PCLO: variants seen among roughly 807,000 people sequenced by gnomAD.
PCLO encodes protein piccolo.
Under a neutral mutation model 427.5 loss-of-function variants are expected in PCLO, and 82 were observed. The observed-to-expected ratio is 0.19, with a 90% CI of 0.16 to 0.23. The LOEUF (loss-of-function observed/expected upper bound fraction) is 0.23. Ranked by LOEUF, PCLO falls within the 10% of genes least tolerant of loss-of-function variation. The probability of loss-of-function intolerance (pLI) is 1.00; values close to 1 mark genes in which losing one functional copy is unlikely to be tolerated. For synonymous variants in PCLO, 2,357 were observed against 2,155.4 expected (o/e 1.09, Z -2.59); for missense variants, 6,239 against 6,115.9 (o/e 1.02, Z -0.67).
intron 4 of PCLO, among the ~76,000 whole-genome samples, chr7:82,960,321 G>A (rs887774386): frequency 7.2e-5 from 11 of 152,196 alleles, no homozygotes; most frequent in South Asian, 2.1e-4. Context: ...GTGAAAGATC[G>A]GATGCTCTCA....
rs2116516367 is a variant in PCLO, at chr7:83,109,178, G to C, written c.3300+25072C>G. ...ACATCTATATCCAAACCTTAATCCT[G>C]TTCCTTGCCAGACTGACTAGAAAAA... On this transcript the variant is annotated intron_variant, in intron 3 of 24. Coordinates refer to ENST00000333891, the MANE Select transcript of PCLO (RefSeq NM_033026.6). Among the ~76,000 whole-genome samples, 3 of 152,190 alleles carry C rather than the reference G, an allele frequency of 2.0e-5. 1 individual carries two copies. In the South Asian group the frequency reaches 6.2e-4, roughly 32 times the overall value.
chr7:82,893,824 T>C (rs1793836422), intron 9 of PCLO, among the ~76,000 whole-genome samples: 1 of 151,992 alleles, frequency 6.6e-6, no homozygotes, highest in African/African-American at 2.4e-5. Flanking sequence ...GAATTGTTAT[T>C]ATGTTCTCAG....
At chr7:82,790,711 C>G (rs536176313) in intron 22 of PCLO, among the ~76,000 whole-genome samples, 16 of 152,088 alleles carry the variant, frequency 1.1e-4, no homozygotes, top group Non-Finnish European at 2.1e-4. Flanking sequence ...GATCCAGCTG[C>G]GCTTGTGAAA....
rs537762964 is a variant in PCLO at position 83,050,601 on chromosome 7, T to TG, written c.3300+83648dup. On this transcript the variant is annotated intron_variant, in intron 3 of 24. Transcript: ENST00000333891. The stretch of plus-strand genomic sequence containing the variant: ...AAAATTATATACAACAACCAATTGT[T>TG]GGATTTATCCTAGGTATGCAAAGCT... Among the ~76,000 whole-genome samples, 18 of 152,142 alleles carry TG rather than the reference T, an allele frequency of 1.2e-4. No homozygotes were observed. In the South Asian group the frequency reaches 3.7e-3, roughly 32 times the overall value.
chr7:82,795,605 C>T (rs1411672210), intron 22 of PCLO, among the ~76,000 whole-genome samples: 2 of 152,080 alleles, frequency 1.3e-5, no homozygotes, highest in East Asian at 3.9e-4. Context: ...TCTGTAGATT[C>T]TAACTCTTTT....
rs189803450 is a variant in PCLO, at chr7:83,114,212, G to A, written c.3300+20038C>T. 1.1e-4 allele frequency among the ~76,000 whole-genome samples: 17 copies of A among 152,208 alleles called. No individual in the cohort carries two copies. In the East Asian group the frequency reaches 3.3e-3, roughly 29 times the overall value. ...CATGTGCAGGCATTTTGATAGTCCT[G>A]AGGAGATAATTCCCTGTGCCCTGGG... On this transcript the variant is annotated intron_variant, in intron 3 of 24. Transcript: ENST00000333891.
chr7:82,828,195 G>T (rs1406932950), intron 16 of PCLO, among the ~76,000 whole-genome samples: 1 of 151,268 alleles, frequency 6.6e-6, no homozygotes, highest in African/African-American at 2.4e-5. Flanking sequence ...TTTTTTTAAA[G>T]AAATGCTTGT....
intron 3 of PCLO, among the ~76,000 whole-genome samples, chr7:83,096,815 ATATAAATATATAAAAATATAT>A (rs1364377356): frequency 2.5e-5 from 2 of 80,212 alleles, no homozygotes; most frequent in African/African-American, 1.1e-4. Flanking sequence ...ATATTATATA[ATATAAATATATAAAAATATAT>A]TATATAATAT....
chr7:82,951,670 C>A (rs567261729), intron 5 of PCLO, among the ~76,000 whole-genome samples, 180 bp from the exon 6 acceptor site: 1 of 152,156 alleles, frequency 6.6e-6, no homozygotes, highest in African/African-American at 2.4e-5. Flanking sequence ...TGATTTTGAG[C>A]AGAACAAATT....
intron 3 of PCLO, among the ~76,000 whole-genome samples, chr7:83,064,949 A>G (rs1321937967): frequency 6.6e-6 from 1 of 151,978 alleles, no homozygotes. Flanking sequence ...GGAAACATAG[A>G]ATACTATTGC....
chr7:82,907,744 A>T (rs1794224793), intron 8 of PCLO, among the ~76,000 whole-genome samples: 1 of 151,988 alleles, frequency 6.6e-6, no homozygotes, highest in African/African-American at 2.4e-5. Context: ...GTAGAGAGGA[A>T]TTAAAAAGAT....
intron 9 of PCLO, among the ~76,000 whole-genome samples, chr7:82,895,538 G>C (rs545731240): frequency 6.6e-5 from 10 of 151,396 alleles, no homozygotes; most frequent in Admixed American, 2.0e-4. Context: ...GCAAAAATTG[G>C]GTCTTTGAAA....
intron 3 of PCLO, among the ~76,000 whole-genome samples, chr7:83,024,374 A>G (rs1439939704): frequency 1.3e-5 from 2 of 152,212 alleles, no homozygotes; most frequent in Non-Finnish European, 1.5e-5. Flanking sequence ...GGTCACTCCC[A>G]CCCGAATACT....
intron 20 of PCLO, chr7:82,821,825 C>T (rs1791799511): frequency 4.4e-5 from 43 of 982,078 alleles, no homozygotes; most frequent in Non-Finnish European, 5.2e-5. Flanking sequence ...TATGCTTATA[C>T]ATATATTAAT....
chr7:83,067,893 T>C (rs1405159542), intron 3 of PCLO, among the ~76,000 whole-genome samples: 1 of 54,394 alleles, frequency 1.8e-5, no homozygotes, highest in African/African-American at 1.0e-4. Context: ...TAAGGAATGC[T>C]TCTGGGGTAC....
chr7:82,888,081 AAAAAG>A (rs1793670896), intron 9 of PCLO, among the ~76,000 whole-genome samples: 1 of 151,314 alleles, frequency 6.6e-6, no homozygotes, highest in African/African-American at 2.5e-5. Context: ...AAACAAAAAA[AAAAAG>A]AAAGAAAGAA....
rs755074110 is a variant in PCLO, at chr7:83,155,666, C to A, written c.975G>T (p.Gln325His). The change falls in exon 2 of 25, where the codon CAG (glutamine) becomes CAT (histidine). Residue 325 changes from glutamine (Q) to histidine (H), a missense_variant. Transcript: ENST00000333891. Reference sequence around the variant, plus strand: ...GAGCTGGGGGCTTTGCAGGCCCAGGCTGTGATTTTTCATGTCCAGGCTGCT... The same window carrying A: ...GAGCTGGGGGCTTTGCAGGCCCAGGATGTGATTTTTCATGTCCAGGCTGCT... ...PAQQPGHEKS[Q>H]PGPAKPPAQP... The A allele has an allele frequency of 6.2e-7, 1 of 1,613,056 alleles. No homozygotes were observed. Among genetic ancestry groups the A allele is most frequent in the South Asian group, 1.1e-5 (1 of 90,920 alleles).
At chr7:82,880,787 C>T (rs144398090) in intron 9 of PCLO, among the ~76,000 whole-genome samples, 2 of 152,186 alleles carry the variant, frequency 1.3e-5, no homozygotes, top group African/African-American at 4.8e-5. Flanking sequence ...TATTTTAAAC[C>T]TAATGTGACT....
intron 3 of PCLO, among the ~76,000 whole-genome samples, chr7:83,021,733 T>C (rs888439972): frequency 2.6e-5 from 4 of 152,164 alleles, no homozygotes; most frequent in Non-Finnish European, 4.4e-5. Flanking sequence ...AGCGTCTAAT[T>C]CTGGGGAAGG....
Sources: allele counts gnomAD v4.1 joint callset (sites outside exome capture counted in the v4.1 genomes callset), GRCh38; gene constraint gnomAD v4.1.1; transcripts MANE v1.5; gene names NCBI Gene and HGNC (gene_info 2026-07-23, HGNC 2026-07-21).